The following LDLRAD3 variants were observed in gnomAD, a reference collection of about 807,000 sequenced individuals.
The protein encoded by LDLRAD3 is low-density lipoprotein receptor class A domain-containing protein 3.
Under a neutral mutation model 29.4 loss-of-function variants are expected in LDLRAD3, and 20 were observed. The observed-to-expected ratio is 0.68, with a 90% CI of 0.48 to 0.99. LDLRAD3 has a LOEUF of 0.99. LDLRAD3 is among the 50% of genes least tolerant of loss of function. The probability of loss-of-function intolerance (pLI) is 0.00; values close to 1 mark genes in which losing one functional copy is unlikely to be tolerated. For synonymous variants in LDLRAD3, 157 were observed against 192.7 expected (o/e 0.81, Z 1.53); for missense variants, 420 against 454.3 (o/e 0.92, Z 0.69).
intron 2 of LDLRAD3, among the ~76,000 whole-genome samples, chr11:36,048,533 AG>A (rs1237542523): frequency 2.0e-5 from 3 of 152,224 alleles, no homozygotes; most frequent in Admixed American, 1.3e-4. Context: ...TGGAGCCTAG[AG>A]AAAATCTGAG....
intron 4 of LDLRAD3, among the ~76,000 whole-genome samples, chr11:36,181,611 G>A (rs116646991): frequency 0.014 from 2,183 of 152,266 alleles, 55 homozygotes; most frequent in African/African-American, 0.049. Context: ...ATCTCCTGCT[G>A]TGGGGTTGGA....
intron 4 of LDLRAD3, among the ~76,000 whole-genome samples, chr11:36,133,749 G>A (rs147294996): frequency 0.019 from 2,869 of 149,054 alleles, 79 homozygotes; most frequent in African/African-American, 0.067. Flanking sequence ...GTGTTAGCCA[G>A]GATGGTCTTG....
intron 1 of LDLRAD3, among the ~76,000 whole-genome samples, chr11:36,008,257 A>C (rs1452363248): frequency 1.3e-5 from 2 of 152,164 alleles, no homozygotes; most frequent in African/African-American, 4.8e-5. Flanking sequence ...ATATTTTTTC[A>C]AAAAGCCATT....
At chr11:36,044,592 A>G (rs1052304425) in intron 2 of LDLRAD3, among the ~76,000 whole-genome samples, 1 of 152,182 alleles carries the variant, frequency 6.6e-6, no homozygotes, top group African/African-American at 2.4e-5. Context: ...AAACACCTTC[A>G]TCTGCTAGGC....
At chr11:36,209,010 C>G (rs1307746449) in intron 4 of LDLRAD3, among the ~76,000 whole-genome samples, 1 of 152,198 alleles carries the variant, frequency 6.6e-6, no homozygotes, top group Non-Finnish European at 1.5e-5. Flanking sequence ...TTTCAGGTAT[C>G]CCCTGATGGG....
At chr11:36,216,023 A>G (rs1479677273) in intron 4 of LDLRAD3, among the ~76,000 whole-genome samples, 1 of 152,178 alleles carries the variant, frequency 6.6e-6, no homozygotes, top group Non-Finnish European at 1.5e-5. Flanking sequence ...GCAGAGTGTC[A>G]TACAGCCCCC....
chr11:35,966,568 A>C (rs1360774203), intron 1 of LDLRAD3, among the ~76,000 whole-genome samples: 1 of 152,244 alleles, frequency 6.6e-6, no homozygotes, highest in East Asian at 1.9e-4. Context: ...TGGAACATCA[A>C]ACCAGTCAGA....
rs1348413780 is a variant in LDLRAD3 at position 36,069,140 on chromosome 11, A to G, written c.194-12513A>G. Among the ~76,000 whole-genome samples the G allele has an allele frequency of 2.6e-5, 4 of 152,242 alleles. No individual in the cohort carries two copies. The East Asian group carries it at 7.7e-4, about 29-fold the overall frequency. ...GTGGAGCTGAACTGTTGCAACAAGC[A>G]AAGGACTTTTTGCTCAAGCCATAAA... On this transcript the variant is annotated intron_variant, in intron 2 of 5. Transcript: ENST00000315571.
At chr11:36,150,095 C>CCTGGGGA (rs1854256417) in intron 4 of LDLRAD3, among the ~76,000 whole-genome samples, 1 of 152,116 alleles carries the variant, frequency 6.6e-6, no homozygotes, top group Non-Finnish European at 1.5e-5. Flanking sequence ...GTATCGTTTA[C>CCTGGGGA]CTGGGGACTG....
intron 4 of LDLRAD3, among the ~76,000 whole-genome samples, chr11:36,207,682 CA>C (rs1172915777): frequency 3.5e-5 from 5 of 144,186 alleles, no homozygotes; most frequent in Admixed American, 1.4e-4. Context: ...GATCATGTCT[CA>C]AAAAAAAAAG....
intron 4 of LDLRAD3, among the ~76,000 whole-genome samples, chr11:36,141,592 A>T (rs1285104675): frequency 6.6e-6 from 1 of 152,022 alleles, no homozygotes; most frequent in African/African-American, 2.4e-5. Flanking sequence ...TAGCCAGAAT[A>T]GGAGAATTTG....
chr11:35,957,035 G>A (rs1056549730), intron 1 of LDLRAD3, among the ~76,000 whole-genome samples: 2 of 152,218 alleles, frequency 1.3e-5, no homozygotes, highest in African/African-American at 4.8e-5. Flanking sequence ...TTACAGGCGT[G>A]AGACACTGCA....
chr11:35,982,634 A>C (rs2133158455), intron 1 of LDLRAD3, among the ~76,000 whole-genome samples: 1 of 151,920 alleles, frequency 6.6e-6, no homozygotes, highest in South Asian at 2.1e-4. Context: ...TTAAAAATCC[A>C]CTCAAGGGCA....
intron 4 of LDLRAD3, among the ~76,000 whole-genome samples, chr11:36,176,166 T>C (rs1239188539): frequency 6.6e-6 from 1 of 152,214 alleles, no homozygotes; most frequent in African/African-American, 2.4e-5. Context: ...TTCCACCCCT[T>C]TACCTTAAGT....
chr11:36,191,585 T>TAC (rs1441550773), intron 4 of LDLRAD3, among the ~76,000 whole-genome samples: 1 of 105,178 alleles, frequency 9.5e-6, no homozygotes, highest in Non-Finnish European at 1.9e-5. Context: ...TCTATATATA[T>TAC]ATATATATAT....
chr11:36,098,276 C>A (rs1335126085), intron 3 of LDLRAD3, 51 bp from the exon 4 acceptor site: 1 of 1,609,874 alleles, frequency 6.2e-7, no homozygotes, highest in Admixed American at 1.7e-5. Context: ...CCAGGGTCCC[C>A]AAGGGAACTT....
intron 4 of LDLRAD3, among the ~76,000 whole-genome samples, chr11:36,122,930 C>T (rs1374974844): frequency 6.6e-6 from 1 of 152,164 alleles, no homozygotes; most frequent in Non-Finnish European, 1.5e-5. Context: ...AATACCAGCA[C>T]TTTGGGAAGC....
intron 4 of LDLRAD3, among the ~76,000 whole-genome samples, chr11:36,186,617 G>T (rs1854853109): frequency 6.6e-6 from 1 of 152,174 alleles, no homozygotes; most frequent in Non-Finnish European, 1.5e-5. Flanking sequence ...GGAATCAGGA[G>T]ATCTCTGGGA....
intron 3 of LDLRAD3, among the ~76,000 whole-genome samples, chr11:36,095,958 A>G (rs1048001930): frequency 2.6e-5 from 4 of 151,374 alleles, no homozygotes; most frequent in South Asian, 2.1e-4. Flanking sequence ...ACCAGACGTG[A>G]TTTGTGGTTT....
Sources: allele counts gnomAD v4.1 joint callset (sites outside exome capture counted in the v4.1 genomes callset), GRCh38; gene constraint gnomAD v4.1.1; transcripts MANE v1.5; gene names NCBI Gene and HGNC (gene_info 2026-07-23, HGNC 2026-07-21).